WFS1: variants seen among roughly 807,000 people sequenced by gnomAD.
WFS1 encodes the protein wolframin ER transmembrane glycoprotein, also known as wolframin.
WFS1 carries 90 observed loss-of-function variants against 68.5 expected under a neutral mutation model. That is an observed-to-expected ratio of 1.31 (90% CI 1.11 to 1.56). The LOEUF is 1.56. Among genes scored for constraint, WFS1 ranks in the 40% most tolerant of loss-of-function variants. The probability of loss-of-function intolerance (pLI) is 0.00; values close to 1 mark genes in which losing one functional copy is unlikely to be tolerated. For missense variants in WFS1, 1,767 were observed against 1,232.6 expected, an observed-to-expected ratio of 1.43 and a Z score of -6.49; for synonymous variants, 860 against 540.7, an observed-to-expected ratio of 1.59 and a Z score of -8.19.
intron 2 of WFS1, among the ~76,000 whole-genome samples, chr4:6,286,314 G>A (rs1730307022): frequency 6.6e-6 from 1 of 152,168 alleles, no homozygotes; most frequent in Non-Finnish European, 1.5e-5. Flanking sequence ...GCTTTACGGT[G>A]GAATTAGTGC....
chr4:6,300,486 G>A (rs577590000), intron 7 of WFS1, among the ~76,000 whole-genome samples, 171 bp from the exon 8 acceptor site: 4 of 152,204 alleles, frequency 2.6e-5, no homozygotes, highest in African/African-American at 4.8e-5. Flanking sequence ...AGCATGGGGA[G>A]GGCCACCTGG....
chr4:6,295,211 C>A, intron 7 of WFS1, 22 bp downstream of exon 7: 1 of 1,610,294 alleles, frequency 6.2e-7, no homozygotes, highest in South Asian at 1.1e-5. Context: ...AGACCCCGGT[C>A]AGGCCGGAGC....
At chr4:6,277,967 T>C (rs530339155) in intron 2 of WFS1, among the ~76,000 whole-genome samples, 1 of 152,222 alleles carries the variant, frequency 6.6e-6, no homozygotes, top group African/African-American at 2.4e-5. Flanking sequence ...ACAGCTTCCA[T>C]TTGCAACAGC....
rs766408620 is a variant in WFS1 at position 6,291,212 on chromosome 4, A to G, written c.476A>G (p.Asn159Ser). 5 of 1,612,676 alleles carry G rather than the reference A, an allele frequency of 3.1e-6. No homozygotes were observed. Among genetic ancestry groups the G allele is most frequent in the Non-Finnish European group, 3.4e-6 (4 of 1,179,986 alleles). Residue 159 changes from asparagine (N) to serine (S), a missense_variant, in exon 5 of 8, where the codon AAC becomes AGC. Coordinates refer to ENST00000226760, the MANE Select transcript of WFS1 (RefSeq NM_006005.3). ...TATCCCTCAGGCATCACGTCCGAGA[A>G]CGAACGGGAGGTGAGGCAGCTCTCC... ...LADRRGITSE[N>S]EREVRQLSSE...
intron 7 of WFS1, among the ~76,000 whole-genome samples, chr4:6,300,392 G>C (rs752178403): frequency 3.9e-5 from 6 of 152,082 alleles, no homozygotes; most frequent in Non-Finnish European, 5.9e-5. Context: ...CATGCATCTA[G>C]TCACGCTGGT....
rs1730873319 is a variant in WFS1 at position 6,301,034 on chromosome 4, C to T, written c.1239C>T (p.Phe413=). The T allele has an allele frequency of 6.2e-7, 1 of 1,614,188 alleles. No homozygotes were observed. Among genetic ancestry groups the T allele is most frequent in the South Asian group, 1.1e-5 (1 of 91,082 alleles). ...ATGCCCATTTCCTGCTCTCTGTCTT[C>T]TTCGTCATCTTCTCCTTCCCCATCG... The part of the protein sequence containing the change: ...EPYAHFLLSV[F]FVIFSFPIAS... Residue 413 remains phenylalanine (F), a synonymous_variant, in exon 8 of 8, where the codon TTC becomes TTT. Transcript: ENST00000226760.
intron 1 of WFS1, among the ~76,000 whole-genome samples, chr4:6,275,639 T>A (rs985152798): frequency 6.8e-6 from 1 of 148,066 alleles, no homozygotes; most frequent in African/African-American, 2.5e-5. Flanking sequence ...GGTTTGCACC[T>A]GGGGGATGTT....
chr4:6,275,025 A>G (rs73795934), intron 1 of WFS1, among the ~76,000 whole-genome samples: 4,922 of 152,242 alleles, frequency 0.032, 82 homozygotes, highest in Middle Eastern at 0.048. Context: ...TTCCCCATCT[A>G]TAACTCTGGG....
Position 6,301,097 on chromosome 4 carries a change from C to A in WFS1, c.1302C>A (p.Val434=). The stretch of plus-strand genomic sequence containing the variant: ...GCATCCCCTGCTCGGAGCTGGCTGT[C>A]ATCACCGGCTTCTTTACCGTGACCA... ...KDCIPCSELA[V]ITGFFTVTSY... The change falls in exon 8 of 8, where the codon GTC becomes GTA. Residue 434 remains valine (V), a synonymous_variant. Coordinates refer to ENST00000226760, the MANE Select transcript of WFS1 (RefSeq NM_006005.3). The A allele has an allele frequency of 6.8e-6, 11 of 1,613,986 alleles. No homozygotes were observed. The highest frequency in any genetic ancestry group is 9.3e-6 in the Non-Finnish European group (11 of 1,180,048).
rs377209257 is a variant in WFS1, at chr4:6,291,371, C to T, written c.631+4C>T. 96 of 1,611,684 alleles carry T rather than the reference C, an allele frequency of 6.0e-5. No individual in the cohort carries two copies. The highest frequency in any genetic ancestry group is 3.7e-4 in the South Asian group (34 of 91,062). On this transcript the variant is annotated splice_donor_region_variant and intron_variant, in intron 5 of 7. Coordinates refer to ENST00000226760, the MANE Select transcript of WFS1 (RefSeq NM_006005.3). ...GTCGGCCAGGTCAACGAGCACGGTG[C>T]GAGGATTCACCCTGGGCACCAGCCT...
chr4:6,274,676 G>C (rs1416761362), intron 1 of WFS1, among the ~76,000 whole-genome samples: 2 of 152,104 alleles, frequency 1.3e-5, no homozygotes, highest in African/African-American at 2.4e-5. Flanking sequence ...GACTTGAAGG[G>C]TGCTTAGGGT....
chr4:6,295,510 A>G (rs1029645502), intron 7 of WFS1, among the ~76,000 whole-genome samples: 8 of 152,182 alleles, frequency 5.3e-5, no homozygotes, highest in African/African-American at 1.7e-4. Context: ...GCAGACTTTC[A>G]TCTAGACTTC....
At chr4:6,281,452 A>G (rs1361316970) in intron 2 of WFS1, among the ~76,000 whole-genome samples, 2 of 152,192 alleles carry the variant, frequency 1.3e-5, no homozygotes, top group East Asian at 1.9e-4. Flanking sequence ...GATTGTTTAC[A>G]TTAAAGGCCA....
chr4:6,284,029 C>T (rs931699675), intron 2 of WFS1, among the ~76,000 whole-genome samples: 1 of 152,020 alleles, frequency 6.6e-6, no homozygotes, highest in Admixed American at 6.6e-5. Context: ...ACGAGCCCAC[C>T]ACTGCCATAT....
In WFS1 at chr4:6,302,526, T is replaced by C; in HGVS notation, c.*58T>C. The C allele has an allele frequency of 1.2e-6, 2 of 1,604,418 alleles. No individual in the cohort carries two copies. Among genetic ancestry groups the C allele is most frequent in the South Asian group, 2.2e-5 (2 of 90,810 alleles). On this transcript the variant is annotated 3_prime_UTR_variant, in exon 8 of 8. Transcript: ENST00000226760. The stretch of plus-strand genomic sequence containing the variant: ...GTTGCCATGAGGCCTTTCCCCAGTG[T>C]GGCCCCAGCCCGACAGGCATGCACC...
At chr4:6,276,797 G>T (rs1730008129) in intron 1 of WFS1, among the ~76,000 whole-genome samples, 1 of 152,212 alleles carries the variant, frequency 6.6e-6, no homozygotes, top group African/African-American at 2.4e-5. Flanking sequence ...GTGTGGGCAG[G>T]GTGGGTCCCT....
At position 6,300,866 on chromosome 4, in the gene WFS1, G is replaced by A; in HGVS notation, c.1071G>A (p.Met357Ile). The A allele has an allele frequency of 6.2e-7, 1 of 1,614,052 alleles. No individual in the cohort carries two copies. The highest frequency in any genetic ancestry group is 1.1e-5 in the South Asian group (1 of 91,070). ...TCTTCTACCTGTCCTTCATCTCCAT[G>A]GTGATCTGCACCCTCAAGGTGTTCC... ...LVIFYLSFIS[M>I]VICTLKVFQD... Residue 357 changes from methionine (M) to isoleucine (I), a missense_variant, in exon 8 of 8, where the codon ATG becomes ATA. Coordinates refer to ENST00000226760, the MANE Select transcript of WFS1 (RefSeq NM_006005.3).
At chr4:6,298,545 T>C (rs963319075) in intron 7 of WFS1, among the ~76,000 whole-genome samples, 2 of 151,564 alleles carry the variant, frequency 1.3e-5, no homozygotes, top group African/African-American at 4.8e-5. Context: ...GCAGCAGAGC[T>C]GTTCCCCCAC....
At chr4:6,293,511 CG>C (rs1446308334) in intron 6 of WFS1, among the ~76,000 whole-genome samples, 2 of 115,502 alleles carry the variant, frequency 1.7e-5, no homozygotes, top group Non-Finnish European at 3.5e-5. Flanking sequence ...CAAAGCGGCT[CG>C]TCTAGGCCAT....
Sources: allele counts gnomAD v4.1 joint callset (sites outside exome capture counted in the v4.1 genomes callset), GRCh38; gene constraint gnomAD v4.1.1; transcripts MANE v1.5; gene names NCBI Gene and HGNC (gene_info 2026-07-23, HGNC 2026-07-21).